Variants in PLEKHH2 observed in about 807,000 individuals in gnomAD.
PLEKHH2 encodes pleckstrin homology domain-containing family H member 2.
In PLEKHH2, 129 loss-of-function variants were observed where a neutral mutation model predicts 187.9. The ratio of observed to expected loss-of-function variants is 0.69; its 90% CI spans 0.59 to 0.79. The LOEUF (loss-of-function observed/expected upper bound fraction) is 0.79, where lower values mean the gene tolerates loss of function less well. Ranked by LOEUF, PLEKHH2 falls within the 30% of genes least tolerant of loss-of-function variation. The pLI is 0.00. For missense variants in PLEKHH2, 2,076 were observed against 1,751.2 expected (o/e 1.19, Z -3.31); for synonymous variants, 686 against 605.6 (o/e 1.13, Z -1.95).
intron 20 of PLEKHH2, among the ~76,000 whole-genome samples, chr2:43,739,116 C>G (rs991362418): frequency 3.9e-5 from 6 of 152,174 alleles, no homozygotes; most frequent in Non-Finnish European, 5.9e-5. Context: ...GCCTCGAACT[C>G]CTGATCTCAG....
Position 43,712,074 on chromosome 2 carries a change from G to C in PLEKHH2, c.2302-151G>C, listed in dbSNP as rs1039938929. The C allele has an allele frequency of 3.8e-6, 5 of 1,299,700 alleles. No homozygotes were observed. In the African/African-American group the frequency reaches 7.6e-5, roughly 20 times the overall value. The allele number at this position is 1,299,700 out of a possible 1,614,324, so 80.5% of individuals were successfully genotyped here. ...ACAAAGTGGTTAAAATATTCTAACT[G>C]ATATGGAGTCATTTATTTAGAAACT... On this transcript the variant is annotated intron_variant, in intron 14 of 29. Coordinates refer to ENST00000282406, the MANE Select transcript of PLEKHH2 (RefSeq NM_172069.4).
chr2:43,701,724 C>A (rs1046963533), intron 8 of PLEKHH2, among the ~76,000 whole-genome samples: 1 of 148,390 alleles, frequency 6.7e-6, no homozygotes, highest in African/African-American at 2.5e-5. Flanking sequence ...AAAAAAAATT[C>A]TTCCAATATT....
intron 2 of PLEKHH2, among the ~76,000 whole-genome samples, chr2:43,653,598 A>G (rs1666593954): frequency 1.3e-5 from 2 of 152,228 alleles, no homozygotes; most frequent in South Asian, 2.1e-4. Flanking sequence ...AAGAGATTCT[A>G]TATGGGAGAA....
At chr2:43,658,859 T>G (rs1038479335) in intron 2 of PLEKHH2, 4 of 152,268 alleles carry the variant, frequency 2.6e-5, no homozygotes, top group African/African-American at 9.6e-5. Context: ...TGGGTGTGAT[T>G]ACCAGAAGGT....
chr2:43,683,104 G>A lies in PLEKHH2; in HGVS notation c.186+4179G>A, dbSNP rs191248754. Among the ~76,000 whole-genome samples, 65 of 129,666 alleles carry A rather than the reference G, an allele frequency of 5.0e-4. 3 individuals are homozygous for A. The highest frequency in any genetic ancestry group is 4.2e-3 in the Admixed American group (57 of 13,444). 85.1% of individuals were successfully genotyped at this position (129,666 alleles called of 152,430 possible). A position where few individuals can be genotyped will look rare whatever the true frequency, so the allele number is the denominator to read the frequency against. On this transcript the variant is annotated intron_variant, in intron 3 of 29. Coordinates refer to ENST00000282406, the MANE Select transcript of PLEKHH2 (RefSeq NM_172069.4). ...TGCTGTTAAGAACGTACATATATTTGTTTGAGTACCCCTTTTTAATTCTTT... is the reference window on the plus strand; with the variant it reads ...TGCTGTTAAGAACGTACATATATTTATTTGAGTACCCCTTTTTAATTCTTT...
chr2:43,753,581 A>G (rs1254646647), intron 24 of PLEKHH2, 38 bp from the exon 25 acceptor site: 2 of 1,399,290 alleles, frequency 1.4e-6, no homozygotes, highest in African/African-American at 1.5e-5. Context: ...CCTTGTAAGA[A>G]TATAATTTAA....
intron 1 of PLEKHH2, among the ~76,000 whole-genome samples, chr2:43,643,541 G>A (rs904905348): frequency 6.6e-6 from 1 of 152,060 alleles, no homozygotes; most frequent in Admixed American, 6.6e-5. Flanking sequence ...TGTAGGATTA[G>A]GGAGGATTCT....
chr2:43,751,658 C>A (rs1038614011), intron 24 of PLEKHH2, among the ~76,000 whole-genome samples: 1 of 152,318 alleles, frequency 6.6e-6, no homozygotes, highest in Middle Eastern at 3.4e-3. Flanking sequence ...TAAGCCTTGC[C>A]TGCTGTCATG....
chr2:43,676,425 A>G lies in PLEKHH2; in HGVS notation c.124-2438A>G, dbSNP rs1237242552. On this transcript the variant is annotated intron_variant, in intron 2 of 29. Transcript: ENST00000282406. Reference sequence around the variant, plus strand: ...TGGCGGCTGCGCTCCCGGTTGGGCCACTCTAGCTGCGGGAGGTCGCTTCTC... The same window carrying G: ...TGGCGGCTGCGCTCCCGGTTGGGCCGCTCTAGCTGCGGGAGGTCGCTTCTC... 1.1e-5 allele frequency: 9 copies of G among 830,192 alleles called. No individual in the cohort carries two copies. In the East Asian group the frequency reaches 2.4e-4, roughly 22 times the overall value. 51.4% of individuals were successfully genotyped at this position (830,192 alleles called of 1,614,324 possible). A position where few individuals can be genotyped will look rare whatever the true frequency, so the allele number is the denominator to read the frequency against.
intron 19 of PLEKHH2, among the ~76,000 whole-genome samples, chr2:43,734,987 C>A (rs1671220776): frequency 6.6e-6 from 1 of 152,068 alleles, no homozygotes; most frequent in African/African-American, 2.4e-5. Context: ...CATGGGGAGG[C>A]TGGTCTCTAC....
intron 2 of PLEKHH2, among the ~76,000 whole-genome samples, chr2:43,652,702 T>C (rs909807414): frequency 2.0e-5 from 3 of 152,206 alleles, no homozygotes; most frequent in African/African-American, 7.2e-5. Context: ...AGTCAGCTTT[T>C]TAGTCCTTCA....
At chr2:43,746,783 A>G (rs1278529782) in intron 24 of PLEKHH2, among the ~76,000 whole-genome samples, 1 of 151,988 alleles carries the variant, frequency 6.6e-6, no homozygotes, top group Admixed American at 6.6e-5. Flanking sequence ...ATCCTGGCCA[A>G]TATGGTGAAA....
intron 19 of PLEKHH2, among the ~76,000 whole-genome samples, chr2:43,737,186 A>G (rs1224909205): frequency 6.6e-6 from 1 of 152,216 alleles, no homozygotes; most frequent in Non-Finnish European, 1.5e-5. Flanking sequence ...CAAGTAATTT[A>G]ACTGTCATCT....
chr2:43,706,244 C>T (rs76876349), intron 9 of PLEKHH2, 78 bp from the exon 10 acceptor site: 1 of 963,100 alleles, frequency 1.0e-6, no homozygotes, highest in Non-Finnish European at 1.7e-6. Flanking sequence ...AGATTATGCT[C>T]ATTTGTATTC....
chr2:43,753,731 G>T lies in PLEKHH2; in HGVS notation c.3766G>T (p.Ala1256Ser). 6.3e-7 allele frequency: 1 copy of T among 1,576,946 alleles called. No individual in the cohort carries two copies. Among genetic ancestry groups the T allele is most frequent in the Non-Finnish European group, 8.6e-7 (1 of 1,166,024 alleles). Residue 1256 changes from alanine to serine, a missense_variant, in exon 25 of 30, where the codon GCA (alanine) becomes TCA (serine). Coordinates refer to ENST00000282406, the MANE Select transcript of PLEKHH2 (RefSeq NM_172069.4). ...ACTTTTTCCTCTGAACAAAGATCTG[G>T]CATTAGAAATGGCAGCTCTTTTATC... ...NGLFPLNKDL[A>S]LEMAALLSQV...
Position 43,710,008 on chromosome 2 carries a change from T to C in PLEKHH2, c.1985T>C (p.Val662Ala), listed in dbSNP as rs1669874804. 1 of 1,612,028 alleles carries C rather than the reference T, an allele frequency of 6.2e-7. No individual in the cohort carries two copies. The highest frequency in any genetic ancestry group is 1.7e-5 in the Admixed American group (1 of 59,460). The change falls in exon 12 of 30, where the codon GTG becomes GCG. Residue 662 changes from valine to alanine, a missense_variant. Transcript: ENST00000282406. ...AMKRGVSLSSVASESDYAIPP... is the reference protein window; with the variant it reads ...AMKRGVSLSSAASESDYAIPP... ...CTCTTAGGTGTGTCTCTCTCCTCTG[T>C]GGCTTCTGAAAGTGATTATGCTATT...
intron 2 of PLEKHH2, among the ~76,000 whole-genome samples, chr2:43,653,258 A>G (rs911758367): frequency 3.3e-5 from 5 of 152,228 alleles, no homozygotes; most frequent in Non-Finnish European, 4.4e-5. Context: ...CGTTTAGAAT[A>G]TAGAGATCAA....
At chr2:43,712,423 T>A in intron 15 of PLEKHH2, 40 bp downstream of exon 15, 2 of 1,591,856 alleles carry the variant, frequency 1.3e-6, no homozygotes, top group Non-Finnish European at 1.7e-6. Context: ...CAGGCAGCTA[T>A]GGGCATGAGC....
chr2:43,673,527 A>G (rs567257242), intron 2 of PLEKHH2, among the ~76,000 whole-genome samples: 1 of 152,322 alleles, frequency 6.6e-6, no homozygotes, highest in South Asian at 2.1e-4. Flanking sequence ...CAAGAATTTT[A>G]GAGTCCAGTG....
Sources: allele counts gnomAD v4.1 joint callset (sites outside exome capture counted in the v4.1 genomes callset), GRCh38; gene constraint gnomAD v4.1.1; transcripts MANE v1.5; gene names NCBI Gene and HGNC (gene_info 2026-07-23, HGNC 2026-07-21).